NTN1: variants seen among roughly 807,000 people sequenced by gnomAD.
NTN1 encodes netrin-1.
In NTN1, 11 loss-of-function variants were observed where a neutral mutation model predicts 54.2. The observed-to-expected ratio is 0.20, with a 90% CI of 0.13 to 0.34. The LOEUF (loss-of-function observed/expected upper bound fraction) is 0.34, where lower values mean the gene tolerates loss of function less well. NTN1 is among the 10% of genes least tolerant of loss of function. NTN1 has a pLI of 1.00. For synonymous variants in NTN1, 371 were observed against 382.0 expected, an observed-to-expected ratio of 0.97 and a Z score of 0.33; for missense variants, 740 against 893.1, an observed-to-expected ratio of 0.83 and a Z score of 2.18.
chr17:9,104,510 A>C (rs918394581), intron 2 of NTN1, among the ~76,000 whole-genome samples: 3 of 152,198 alleles, frequency 2.0e-5, no homozygotes, highest in Non-Finnish European at 4.4e-5. Flanking sequence ...GGAGCCCGGC[A>C]GGGGAGCTGT....
chr17:9,197,203 AGAG>A (rs1301620281), intron 5 of NTN1, among the ~76,000 whole-genome samples: 1 of 152,142 alleles, frequency 6.6e-6, no homozygotes, highest in Non-Finnish European at 1.5e-5. Context: ...ACTGAGGCCC[AGAG>A]GAGGACAGTG....
rs928884909 is a variant in NTN1, at chr17:9,242,611, C to T, written c.*2643C>T. The T allele has an allele frequency of 6.6e-6, 1 of 152,446 alleles. No individual in the cohort carries two copies. The highest frequency in any genetic ancestry group is 2.4e-5 in the African/African-American group (1 of 41,600). 9.4% of individuals were successfully genotyped at this position (152,446 alleles called of 1,614,324 possible). A position where few individuals can be genotyped will look rare whatever the true frequency, so the allele number is the denominator to read the frequency against. On this transcript the variant is annotated 3_prime_UTR_variant, in exon 7 of 7. Coordinates refer to ENST00000173229, the MANE Select transcript of NTN1 (RefSeq NM_004822.3). ...CGGAAAATTCAGCCAGTGTCCTGCC[C>T]CTCCCTTCGGCTCAGCACCCCGCAG...
intron 6 of NTN1, among the ~76,000 whole-genome samples, chr17:9,225,728 G>T (rs1202342013): frequency 6.6e-6 from 1 of 152,192 alleles, no homozygotes; most frequent in Non-Finnish European, 1.5e-5. Context: ...GGGCCAGGGC[G>T]GGCCGGGCAG....
chr17:9,182,835 G>T, intron 4 of NTN1, 81 bp from the exon 5 acceptor site: 1 of 1,404,384 alleles, frequency 7.1e-7, no homozygotes, highest in African/African-American at 1.4e-5. Context: ...GTCTGTGCTG[G>T]GCTCATTCTA....
the NTN1 span, among the ~76,000 whole-genome samples, chr17:9,016,379 G>C: frequency 6.6e-6 from 1 of 152,078 alleles, no homozygotes; most frequent in Non-Finnish European, 1.5e-5. Flanking sequence ...GGAAGGCCTT[G>C]TCATCCCCCA....
At chr17:9,071,553 C>T (rs1244330080) in intron 2 of NTN1, among the ~76,000 whole-genome samples, 1 of 152,144 alleles carries the variant, frequency 6.6e-6, no homozygotes, top group East Asian at 1.9e-4. Flanking sequence ...AGTTTCTAAG[C>T]CCTAGGCTGT....
At chr17:9,223,456 G>A (rs1201535370) in intron 6 of NTN1, among the ~76,000 whole-genome samples, 3 of 152,174 alleles carry the variant, frequency 2.0e-5, no homozygotes, top group Non-Finnish European at 4.4e-5. Context: ...GGAGGCTGAG[G>A]CAGGAGAATC....
At chr17:9,116,609 C>T (rs539676493) in intron 2 of NTN1, among the ~76,000 whole-genome samples, 6 of 152,268 alleles carry the variant, frequency 3.9e-5, no homozygotes, top group East Asian at 1.9e-4. Context: ...GTGCCTGCCT[C>T]GGCTTGAAAA....
At chr17:9,011,617 G>A in the NTN1 span, among the ~76,000 whole-genome samples, 1 of 152,114 alleles carries the variant, frequency 6.6e-6, no homozygotes, top group Non-Finnish European at 1.5e-5. Flanking sequence ...TTGAGACGGA[G>A]CCTGGCTCTG....
At chr17:9,106,802 A>G (rs2092168853) in intron 2 of NTN1, among the ~76,000 whole-genome samples, 1 of 152,160 alleles carries the variant, frequency 6.6e-6, no homozygotes, top group Admixed American at 6.5e-5. Context: ...GGTATTAGCC[A>G]CCACACTGGG....
chr17:9,095,238 C>A (rs145875781), intron 2 of NTN1, among the ~76,000 whole-genome samples: 35 of 152,196 alleles, frequency 2.3e-4, no homozygotes, highest in African/African-American at 8.4e-4. Flanking sequence ...CCAAGTTTGT[C>A]CCTTGCCTCT....
intron 2 of NTN1, among the ~76,000 whole-genome samples, chr17:9,094,570 G>A (rs2092123805): frequency 6.6e-6 from 1 of 152,088 alleles, no homozygotes; most frequent in African/African-American, 2.4e-5. Context: ...TTGGCAAATT[G>A]CTTGTCAGAT....
At position 9,099,495 on chromosome 17, in the gene NTN1, A is replaced by G. The variant is rs187598714; in HGVS notation, c.1019-63318A>G. Among the ~76,000 whole-genome samples, 339 of 152,228 alleles carry G rather than the reference A, an allele frequency of 2.2e-3. 2 individuals carry two copies. Among genetic ancestry groups the G allele is most frequent in the African/African-American group, 7.8e-3 (325 of 41,520 alleles). The stretch of plus-strand genomic sequence containing the variant: ...GTTGTTAGAAACTTCAGCTATTTCC[A>G]GTTTTTTTCCTTCCTTCCCTCCCTC... On this transcript the variant is annotated intron_variant, in intron 2 of 6. Transcript: ENST00000173229.
intron 2 of NTN1, among the ~76,000 whole-genome samples, chr17:9,092,446 C>T (rs1203485219): frequency 6.7e-6 from 1 of 149,588 alleles, no homozygotes; most frequent in Non-Finnish European, 1.5e-5. Context: ...AACCACCATG[C>T]CTGGGTAATT....
At chr17:9,126,064 G>A (rs541531217) in intron 2 of NTN1, among the ~76,000 whole-genome samples, 7 of 152,378 alleles carry the variant, frequency 4.6e-5, no homozygotes, top group African/African-American at 1.7e-4. Context: ...GCAGAGTCAG[G>A]ATGGCTGAAT....
At chr17:9,150,841 G>T (rs2092325500) in intron 2 of NTN1, among the ~76,000 whole-genome samples, 1 of 152,206 alleles carries the variant, frequency 6.6e-6, no homozygotes. Context: ...AGATTTGGGG[G>T]ATGGCCCCCG....
intron 6 of NTN1, among the ~76,000 whole-genome samples, chr17:9,234,508 C>T (rs540458778): frequency 3.3e-5 from 5 of 152,218 alleles, no homozygotes; most frequent in Non-Finnish European, 7.3e-5. Flanking sequence ...TCTAGGCACC[C>T]GCCTCCTCCC....
intron 2 of NTN1, among the ~76,000 whole-genome samples, chr17:9,123,126 C>A (rs2092236376): frequency 6.6e-6 from 1 of 152,122 alleles, no homozygotes; most frequent in South Asian, 2.1e-4. Context: ...TTGTATCTTG[C>A]TCTCCCCCAA....
rs1420988349 is a variant in NTN1 at position 9,022,509 on chromosome 17, G to A, written c.136G>A (p.Gly46Ser). Residue 46 changes from glycine to serine, a missense_variant, in exon 2 of 7, where the codon GGC becomes AGC. Coordinates refer to ENST00000173229, the MANE Select transcript of NTN1 (RefSeq NM_004822.3). Reference protein sequence around the residue: ...AQPDPCSDENGHPRRCIPDFV... With the variant: ...AQPDPCSDENSHPRRCIPDFV... ...GCCCGATCCCTGCTCGGACGAGAAC[G>A]GCCACCCGCGCCGCTGCATCCCGGA... 1.3e-6 allele frequency: 2 copies of A among 1,546,266 alleles called. No homozygotes were observed. The highest frequency in any genetic ancestry group is 1.2e-5 in the South Asian group (1 of 84,456).
Sources: allele counts gnomAD v4.1 joint callset (sites outside exome capture counted in the v4.1 genomes callset), GRCh38; gene constraint gnomAD v4.1.1; transcripts MANE v1.5; gene names NCBI Gene and HGNC (gene_info 2026-07-23, HGNC 2026-07-21).